Variants in OSBPL6 observed in about 807,000 individuals in gnomAD.
The protein encoded by OSBPL6 is oxysterol-binding protein-related protein 6.
A neutral mutation model predicts 125.8 loss-of-function variants in OSBPL6; 49 were observed. The observed-to-expected ratio is 0.39, with a 90% CI of 0.31 to 0.49. The LOEUF (loss-of-function observed/expected upper bound fraction) is 0.49. Ranked by LOEUF, OSBPL6 falls within the 20% of genes least tolerant of loss-of-function variation. The probability of loss-of-function intolerance (pLI) is 0.88; values close to 1 mark genes in which losing one functional copy is unlikely to be tolerated. For synonymous variants in OSBPL6, 394 were observed against 391.8 expected (o/e 1.01, Z -0.07); for missense variants, 986 against 1,135.4 (o/e 0.87, Z 1.89).
chr2:178,221,477 T>C (rs573821485), intron 1 of OSBPL6, among the ~76,000 whole-genome samples: 2 of 152,366 alleles, frequency 1.3e-5, no homozygotes, highest in Non-Finnish European at 2.9e-5. Flanking sequence ...GATGAAGCTA[T>C]GAGCATGGTT....
chr2:178,312,970 A>C (rs1376407536), intron 3 of OSBPL6, among the ~76,000 whole-genome samples: 1 of 149,868 alleles, frequency 6.7e-6, no homozygotes, highest in African/African-American at 2.5e-5. Flanking sequence ...ATCTCAGCTC[A>C]CTGCAACCTC....
intron 9 of OSBPL6, 60 bp downstream of exon 9, chr2:178,336,493 G>A (rs1447377625): frequency 7.6e-6 from 12 of 1,587,528 alleles, no homozygotes; most frequent in African/African-American, 1.3e-5. Context: ...AACAAAACCC[G>A]AAGAGGTCAA....
At chr2:178,372,074 T>G in intron 13 of OSBPL6, 52 bp from the exon 14 acceptor site, 1 of 1,362,794 alleles carries the variant, frequency 7.3e-7, no homozygotes, top group Non-Finnish European at 1.0e-6. Flanking sequence ...TTGTTCTGTT[T>G]TATGCTTGCT....
At chr2:178,370,459 G>A (rs1380260007) in intron 13 of OSBPL6, among the ~76,000 whole-genome samples, 1 of 152,146 alleles carries the variant, frequency 6.6e-6, no homozygotes, top group Non-Finnish European at 1.5e-5. Context: ...CTAACTTATA[G>A]GAGAAAGGCC....
chr2:178,352,027 T>C (rs2154091484), intron 12 of OSBPL6, among the ~76,000 whole-genome samples: 1 of 152,194 alleles, frequency 6.6e-6, no homozygotes, highest in Admixed American at 6.5e-5. Context: ...CCTAAAGAAA[T>C]ATACAGATTC....
chr2:178,281,590 T>A (rs542588618), intron 1 of OSBPL6, among the ~76,000 whole-genome samples: 1 of 152,284 alleles, frequency 6.6e-6, no homozygotes, highest in African/African-American at 2.4e-5. Flanking sequence ...TGACGTGCAG[T>A]CTTATTTTCT....
intron 1 of OSBPL6, among the ~76,000 whole-genome samples, chr2:178,281,767 G>A (rs112351869): frequency 4.6e-5 from 7 of 150,894 alleles, no homozygotes; most frequent in African/African-American, 1.5e-4. Context: ...CATGGACACA[G>A]GGAGGGGAAC....
At chr2:178,235,026 T>C (rs2090990562) in intron 1 of OSBPL6, among the ~76,000 whole-genome samples, 2 of 152,264 alleles carry the variant, frequency 1.3e-5, no homozygotes, top group Non-Finnish European at 2.9e-5. Context: ...TGTTAACCTC[T>C]GTGATGAGCT....
chr2:178,260,233 A>G (rs2092014987), intron 1 of OSBPL6, among the ~76,000 whole-genome samples: 1 of 152,204 alleles, frequency 6.6e-6, no homozygotes, highest in Admixed American at 6.5e-5. Context: ...TTTTTAGAAG[A>G]TCATCATAAC....
chr2:178,225,049 C>G (rs549860393), intron 1 of OSBPL6, among the ~76,000 whole-genome samples: 1 of 150,536 alleles, frequency 6.6e-6, no homozygotes, highest in East Asian at 1.9e-4. Flanking sequence ...GTGTGTTTAA[C>G]AAAACACATC....
At chr2:178,328,479 A>G in intron 5 of OSBPL6, 101 bp downstream of exon 5, 1 of 1,456,524 alleles carries the variant, frequency 6.9e-7, no homozygotes, top group Non-Finnish European at 9.2e-7. Flanking sequence ...CAGTATGTGT[A>G]AAACTAGCTT....
intron 2 of OSBPL6, among the ~76,000 whole-genome samples, chr2:178,287,931 T>C (rs1684862941): frequency 6.6e-6 from 1 of 151,002 alleles, no homozygotes; most frequent in Non-Finnish European, 1.5e-5. Context: ...AGGGAGGGCT[T>C]AGGAGCTGTT....
intron 1 of OSBPL6, among the ~76,000 whole-genome samples, chr2:178,217,708 C>T (rs1353873318): frequency 6.6e-6 from 1 of 152,156 alleles, no homozygotes; most frequent in African/African-American, 2.4e-5. Flanking sequence ...GGTTGCCCCA[C>T]CCTAATCTTA....
intron 16 of OSBPL6, chr2:178,382,780 CTT>C: frequency 7.0e-7 from 1 of 1,420,956 alleles, no homozygotes; most frequent in Admixed American, 3.0e-5. Flanking sequence ...TTTTTTAAAA[CTT>C]AGCCTGTCTT....
intron 2 of OSBPL6, among the ~76,000 whole-genome samples, chr2:178,299,045 G>A (rs1332457083): frequency 1.3e-5 from 2 of 152,136 alleles, no homozygotes; most frequent in Non-Finnish European, 2.9e-5. Flanking sequence ...CTGACAATTG[G>A]TATCTGTTAG....
chr2:178,206,539 G>A (rs1267178452), intron 1 of OSBPL6, among the ~76,000 whole-genome samples: 1 of 152,182 alleles, frequency 6.6e-6, no homozygotes, highest in Non-Finnish European at 1.5e-5. Context: ...ACTTACCATA[G>A]GGTTTAGTTT....
chr2:178,268,996 T>G (rs1458338181), intron 1 of OSBPL6, among the ~76,000 whole-genome samples: 1 of 152,208 alleles, frequency 6.6e-6, no homozygotes, highest in Non-Finnish European at 1.5e-5. Context: ...TCTGCAACTT[T>G]GTGTTTGTGC....
rs572502265 is a variant in OSBPL6 at position 178,392,279 on chromosome 2, G to GA, written c.2447-127dup. 5.5e-4 allele frequency: 598 copies of GA among 1,094,174 alleles called. 1 individual carries two copies. Among genetic ancestry groups the GA allele is most frequent in the Non-Finnish European group, 7.1e-4 (549 of 774,902 alleles). 67.8% of individuals were successfully genotyped at this position (1,094,174 alleles called of 1,614,324 possible). ...GGAATACCACCAATTTAATTCACTT[G>GA]AAAAAATCTATAATCTTGTGTTTAT... On this transcript the variant is annotated intron_variant, in intron 22 of 24. Coordinates refer to ENST00000190611, the MANE Select transcript of OSBPL6 (RefSeq NM_032523.4).
chr2:178,232,824 C>T (rs534460318), intron 1 of OSBPL6, among the ~76,000 whole-genome samples: 15 of 152,068 alleles, frequency 9.9e-5, no homozygotes, highest in Non-Finnish European at 1.8e-4. Context: ...AAATATCCCT[C>T]GCAGTACCTT....
Sources: gnomAD v4.1 joint callset for allele counts (sites outside exome capture counted in the v4.1 genomes callset) on GRCh38, gnomAD v4.1.1 for gene constraint, MANE v1.5 for transcripts, NCBI Gene and HGNC (gene_info 2026-07-23, HGNC 2026-07-21) for gene names.